Variants in SF3B2 observed in about 807,000 individuals in gnomAD.
SF3B2 encodes splicing factor 3b subunit 2, also known as SAP 145.
Under a neutral mutation model 116.3 loss-of-function variants are expected in SF3B2, and 22 were observed. That is an observed-to-expected ratio of 0.19 (90% CI 0.14 to 0.27). The LOEUF is 0.27. SF3B2 is among the 10% of genes least tolerant of loss of function. SF3B2 has a pLI of 1.00. For missense variants in SF3B2, 767 were observed against 1,151.4 expected (o/e 0.67, Z 4.83); for synonymous variants, 406 against 421.6 (o/e 0.96, Z 0.45).
intron 19 of SF3B2, chr11:66,066,487 T>C (rs1857186282): frequency 6.6e-6 from 1 of 152,226 alleles, no homozygotes; most frequent in Non-Finnish European, 1.5e-5. Flanking sequence ...TTGTGAAATT[T>C]ACCTTGTTGG....
Position 66,068,028 on chromosome 11 carries a change from A to G in SF3B2, c.2413A>G (p.Ile805Val). The change falls in exon 20 of 22, where the codon ATT (isoleucine) becomes GTT (valine). Residue 805 changes from isoleucine (I) to valine (V), a missense_variant. By Grantham distance (29) the Ile-to-Val change is conservative. Coordinates refer to ENST00000322535, the MANE Select transcript of SF3B2 (RefSeq NM_006842.3). ...VGGAMMGSTHIYDMSTVMSRK... is the reference protein window; with the variant it reads ...VGGAMMGSTHVYDMSTVMSRK... ...AGGGGCCATGATGGGATCAACCCAC[A>G]TTTATGACATGTCCACGGTGAGTAC... 1.9e-6 allele frequency: 3 copies of G among 1,614,140 alleles called. No individual in the cohort carries two copies. Among genetic ancestry groups the G allele is most frequent in the Non-Finnish European group, 2.5e-6 (3 of 1,180,022 alleles).
rs371784148 is a variant in SF3B2 at position 66,052,627 on chromosome 11, C to T, written c.134-46C>T. 3.8e-6 allele frequency: 6 copies of T among 1,592,406 alleles called. No individual in the cohort carries two copies. The African/African-American group carries it at 6.8e-5, about 18-fold the overall frequency. The stretch of plus-strand genomic sequence containing the variant: ...CGGAGGCAGGCCGCTGGGGCCTGAC[C>T]TGGCCGGGCTGGCCTGCCCCATTGA... On this transcript the variant is annotated intron_variant, in intron 1 of 21. Coordinates refer to ENST00000322535, the MANE Select transcript of SF3B2 (RefSeq NM_006842.3).
chr11:66,066,421 G>C, intron 19 of SF3B2: 1 of 152,246 alleles, frequency 6.6e-6, no homozygotes, highest in Non-Finnish European at 1.5e-5. Flanking sequence ...TGGGATTACA[G>C]GTGTGAGCCA....
chr11:66,060,861 G>C (rs1421841690), intron 14 of SF3B2, 130 bp downstream of exon 14: 4 of 991,056 alleles, frequency 4.0e-6, no homozygotes, highest in African/African-American at 1.6e-5. Flanking sequence ...GTGCAGTGGT[G>C]GGATCTCGGC....
chr11:66,068,637 A>G, intron 21 of SF3B2, 37 bp from the exon 22 acceptor site: 1 of 1,603,826 alleles, frequency 6.2e-7, no homozygotes. Flanking sequence ...GGGGTGGTTC[A>G]ACCTGTCTTA....
chr11:66,067,698 C>A, intron 19 of SF3B2: 1 of 520,780 alleles, frequency 1.9e-6, no homozygotes, highest in Non-Finnish European at 3.5e-6. Flanking sequence ...TGTGGGAGTC[C>A]TGGTCTGTGA....
At chr11:66,065,671 C>T (rs2135056812) in intron 19 of SF3B2, 1 of 152,152 alleles carries the variant, frequency 6.6e-6, no homozygotes, top group South Asian at 2.1e-4. Flanking sequence ...ATTCTTCTCT[C>T]TTTGTATTTC....
chr11:66,065,233 G>C (rs1244552750), intron 19 of SF3B2: 1 of 152,200 alleles, frequency 6.6e-6, no homozygotes, highest in South Asian at 2.1e-4. Flanking sequence ...TGGCCTCCCA[G>C]CTTGTTGGGA....
In SF3B2 at chr11:66,055,134, C is replaced by A; in HGVS notation, c.317C>A (p.Pro106Gln). The A allele has an allele frequency of 6.4e-7, 1 of 1,573,302 alleles. No individual in the cohort carries two copies. Among genetic ancestry groups the A allele is most frequent in the Non-Finnish European group, 8.7e-7 (1 of 1,154,696 alleles). Residue 106 changes from proline to glutamine, a missense_variant, in exon 4 of 22, where the codon CCG becomes CAG. Transcript: ENST00000322535. ...GGACTCCCCCCTCTGCAGCCTCCTC[C>A]GCCACCCCCACCACCTCCACCAGGC... is the stretch of plus-strand genomic sequence containing the variant. The part of the protein sequence containing the change: ...PLGLPPLQPP[P>Q]PPPPPPPGLG...
chr11:66,066,778 G>C (rs1004021930), intron 19 of SF3B2: 4 of 152,404 alleles, frequency 2.6e-5, no homozygotes, highest in Non-Finnish European at 5.9e-5. Context: ...CCTGTCCTTG[G>C]TAGGCATGTG....
chr11:66,055,684 CT>C, intron 5 of SF3B2, 99 bp downstream of exon 5: 1 of 1,103,322 alleles, frequency 9.1e-7, no homozygotes, highest in Admixed American at 2.1e-5. Context: ...CTGGAGGCTA[CT>C]TTGTTCTCAA....
At chr11:66,057,864 C>T (rs548387347) in intron 7 of SF3B2, among the ~76,000 whole-genome samples, 190 bp from the exon 8 acceptor site, 2 of 150,550 alleles carry the variant, frequency 1.3e-5, no homozygotes, top group South Asian at 2.1e-4. Flanking sequence ...CCCAGCTACT[C>T]GGGAGGCTGA....
chr11:66,058,281 C>T (rs377610636), intron 8 of SF3B2, 33 bp from the exon 9 acceptor site: 45 of 1,596,242 alleles, frequency 2.8e-5, no homozygotes, highest in Admixed American at 8.3e-5. Context: ...GCAGTGGCAC[C>T]GTGAAGACTC....
rs1413811158 is a variant in SF3B2, at chr11:66,068,819, C to G, written c.*74C>G. On this transcript the variant is annotated 3_prime_UTR_variant, in exon 22 of 22. Transcript: ENST00000322535. ...CTTCACACAAGAACCACCTCTCCCG[C>G]AGTTCCCAAGGACTTGTCATTTCAT... The G allele has an allele frequency of 7.7e-6, 9 of 1,169,848 alleles. No homozygotes were observed. The highest frequency in any genetic ancestry group is 1.1e-5 in the Non-Finnish European group (9 of 787,236). The allele number at this position is 1,169,848 out of a possible 1,614,324, so 72.5% of individuals were successfully genotyped here. A position where few individuals can be genotyped will look rare whatever the true frequency, so the allele number is the denominator to read the frequency against.
intron 5 of SF3B2, among the ~76,000 whole-genome samples, chr11:66,056,094 G>T (rs1268786081): frequency 6.6e-6 from 1 of 152,134 alleles, no homozygotes; most frequent in Non-Finnish European, 1.5e-5. Flanking sequence ...GTATTAAAAA[G>T]TAAGTGTTAA....
chr11:66,058,613 G>C, intron 9 of SF3B2: 1 of 630,202 alleles, frequency 1.6e-6, no homozygotes, highest in East Asian at 2.7e-5. Flanking sequence ...CAGAGGTTCT[G>C]AGACGCACAG....
At chr11:66,052,620 G>C (rs984369589) in intron 1 of SF3B2, 53 bp from the exon 2 acceptor site, 56 of 1,593,642 alleles carry the variant, frequency 3.5e-5, no homozygotes, top group Non-Finnish European at 4.1e-5. Context: ...GGCCGCTGGG[G>C]CCTGACCTGG....
chr11:66,055,423 C>A, intron 4 of SF3B2, 108 bp downstream of exon 4: 15 of 1,595,012 alleles, frequency 9.4e-6, no homozygotes, highest in African/African-American at 1.3e-5. Context: ...AAGGTCGGGA[C>A]TAAAGATTGG....
In SF3B2 at chr11:66,069,088, T is replaced by C. The variant is rs896116916; in HGVS notation, c.*343T>C. ...TCTGTGTTTCACCACTGCCCTGCTTTGTAGGAAGGCTTGGGGGAAGTACCT... is the reference window on the plus strand; with the variant it reads ...TCTGTGTTTCACCACTGCCCTGCTTCGTAGGAAGGCTTGGGGGAAGTACCT... On this transcript the variant is annotated 3_prime_UTR_variant, in exon 22 of 22. Transcript: ENST00000322535. The C allele has an allele frequency of 5.3e-6, 2 of 376,028 alleles. No individual in the cohort carries two copies. Among genetic ancestry groups the C allele is most frequent in the Non-Finnish European group, 5.2e-6 (1 of 193,886 alleles). 23.3% of individuals were successfully genotyped at this position (376,028 alleles called of 1,614,324 possible).
Sources: allele counts gnomAD v4.1 joint callset (sites outside exome capture counted in the v4.1 genomes callset), GRCh38; gene constraint gnomAD v4.1.1; transcripts MANE v1.5; gene names NCBI Gene and HGNC (gene_info 2026-07-23, HGNC 2026-07-21).